Variants in GAS2 observed in about 807,000 individuals in gnomAD.
The protein encoded by GAS2 is growth arrest-specific protein 2.
GAS2 carries 20 observed loss-of-function variants against 37.5 expected under a neutral mutation model. That is an observed-to-expected ratio of 0.53 (90% CI 0.37 to 0.77). The LOEUF (loss-of-function observed/expected upper bound fraction) is 0.77. Among genes scored for constraint, GAS2 ranks in the 30% least tolerant of loss-of-function variants. GAS2 has a pLI of 0.00. For synonymous variants in GAS2, 144 were observed against 132.2 expected (o/e 1.09, Z -0.61); for missense variants, 336 against 373.4 (o/e 0.90, Z 0.82).
intron 7 of GAS2, among the ~76,000 whole-genome samples, chr11:22,760,488 A>G (rs1336339978): frequency 6.6e-6 from 1 of 152,202 alleles, no homozygotes; most frequent in Non-Finnish European, 1.5e-5. Flanking sequence ...AACAATATAT[A>G]GGAAGGGATT....
At chr11:22,810,155 A>G (rs1857082542) in intron 7 of GAS2, among the ~76,000 whole-genome samples, 1 of 152,200 alleles carries the variant, frequency 6.6e-6, no homozygotes, top group African/African-American at 2.4e-5. Context: ...TCTCAAATCC[A>G]TCTACCTAAT....
chr11:22,776,841 A>G (rs1855285666), intron 7 of GAS2, among the ~76,000 whole-genome samples: 1 of 152,128 alleles, frequency 6.6e-6, no homozygotes, highest in Admixed American at 6.5e-5. Context: ...AGAAAATGTA[A>G]CATTGGTTAG....
At chr11:22,773,503 C>T (rs566780038) in intron 7 of GAS2, among the ~76,000 whole-genome samples, 13 of 150,998 alleles carry the variant, frequency 8.6e-5, no homozygotes, top group African/African-American at 3.2e-4. Flanking sequence ...ACGCCATTCT[C>T]CTGCCTCAGC....
At position 22,800,972 on chromosome 11, in the gene GAS2, T is replaced by A. The variant is rs1856636991; in HGVS notation, c.724-10826T>A. Among the ~76,000 whole-genome samples, 4 of 152,064 alleles carry A rather than the reference T, an allele frequency of 2.6e-5. No individual in the cohort carries two copies. In the South Asian group the frequency reaches 8.3e-4, roughly 31 times the overall value. On this transcript the variant is annotated intron_variant, in intron 7 of 7. Transcript: ENST00000454584. ...TGCATATTTTTTTCTGGCTCTCCTA[T>A]GTGGCCATTACTTTTTCATTTAGTA... is the stretch of plus-strand genomic sequence containing the variant.
chr11:22,710,404 A>G (rs1044594583), intron 3 of GAS2, among the ~76,000 whole-genome samples: 1 of 152,070 alleles, frequency 6.6e-6, no homozygotes, highest in Non-Finnish European at 1.5e-5. Context: ...GCTGCCAACA[A>G]TGATAAATTA....
At position 22,809,253 on chromosome 11, in the gene GAS2, C is replaced by T. The variant is rs139966670; in HGVS notation, c.724-2545C>T. On this transcript the variant is annotated intron_variant, in intron 7 of 7. Transcript: ENST00000454584. Reference sequence around the variant, plus strand: ...GCAACCAAGAAGAACAAATCAGTCTCGAATTCATTTCACCAATCAATTAAA... The same window carrying T: ...GCAACCAAGAAGAACAAATCAGTCTTGAATTCATTTCACCAATCAATTAAA... Among the ~76,000 whole-genome samples the T allele has an allele frequency of 4.9e-3, 743 of 152,138 alleles. 19 individuals carry two copies. The East Asian group carries it at 0.071, about 15-fold the overall frequency.
At chr11:22,708,050 G>T (rs537135510) in intron 3 of GAS2, among the ~76,000 whole-genome samples, 1 of 151,594 alleles carries the variant, frequency 6.6e-6, no homozygotes, top group Non-Finnish European at 1.5e-5. Flanking sequence ...TAATTGAAGA[G>T]ATATTCATTG....
At chr11:22,633,877 C>A (rs1448819030) in intron 1 of GAS2, among the ~76,000 whole-genome samples, 2 of 152,140 alleles carry the variant, frequency 1.3e-5, no homozygotes, top group Admixed American at 6.5e-5. Context: ...TAAGTCTGCA[C>A]CTGGAGGGCA....
At chr11:22,642,164 C>G (rs1848638445) in intron 1 of GAS2, among the ~76,000 whole-genome samples, 1 of 152,080 alleles carries the variant, frequency 6.6e-6, no homozygotes, top group Admixed American at 6.6e-5. Flanking sequence ...TTACCACTAG[C>G]TGGAACAACT....
chr11:22,810,293 G>A (rs1183429729), intron 7 of GAS2, among the ~76,000 whole-genome samples: 1 of 152,184 alleles, frequency 6.6e-6, no homozygotes, highest in Non-Finnish European at 1.5e-5. Flanking sequence ...CAACAGATGA[G>A]GGGTCTCATG....
intron 7 of GAS2, among the ~76,000 whole-genome samples, chr11:22,784,154 G>T (rs892756809): frequency 6.6e-6 from 1 of 152,060 alleles, no homozygotes; most frequent in African/African-American, 2.4e-5. Flanking sequence ...ATGAATTTCA[G>T]CTTTTTCTAT....
intron 3 of GAS2, among the ~76,000 whole-genome samples, chr11:22,707,646 G>C (rs1851192147): frequency 1.3e-5 from 2 of 152,174 alleles, no homozygotes; most frequent in Admixed American, 6.6e-5. Context: ...AAAATGTACA[G>C]AGAAATTGGT....
chr11:22,812,031 G>T lies in GAS2; in HGVS notation c.*15G>T. 1.3e-6 allele frequency: 2 copies of T among 1,590,954 alleles called. No individual in the cohort carries two copies. The highest frequency in any genetic ancestry group is 1.1e-5 in the South Asian group (1 of 90,542). ...AAATTAAGTGAAACAAATTGGTCAT[G>T]ACAAGGGGACCCTCATAATGGCCTG... On this transcript the variant is annotated 3_prime_UTR_variant, in exon 8 of 8. Transcript: ENST00000454584.
chr11:22,645,592 A>T (rs1848679272), intron 1 of GAS2, among the ~76,000 whole-genome samples: 1 of 152,044 alleles, frequency 6.6e-6, no homozygotes, highest in African/African-American at 2.4e-5. Context: ...GGAAATATTG[A>T]GAAAATTTTC....
At chr11:22,677,915 G>A (rs1347782682) in intron 2 of GAS2, among the ~76,000 whole-genome samples, 1 of 152,140 alleles carries the variant, frequency 6.6e-6, no homozygotes, top group Non-Finnish European at 1.5e-5. Context: ...CCAGTTTGGG[G>A]TAGTTGAGAC....
At chr11:22,701,531 A>G (rs903631252) in intron 3 of GAS2, among the ~76,000 whole-genome samples, 1 of 152,140 alleles carries the variant, frequency 6.6e-6, no homozygotes, top group South Asian at 2.1e-4. Context: ...GCTTAAAAAA[A>G]AAATAGTTCG....
At chr11:22,688,265 T>G (rs1288394857) in intron 3 of GAS2, 1 of 152,166 alleles carries the variant, frequency 6.6e-6, no homozygotes, top group Non-Finnish European at 1.5e-5. Context: ...AAAATCTCTT[T>G]TTGATAAAAT....
At chr11:22,653,970 G>C (rs1848827437) in intron 1 of GAS2, among the ~76,000 whole-genome samples, 1 of 152,134 alleles carries the variant, frequency 6.6e-6, no homozygotes, top group East Asian at 1.9e-4. Flanking sequence ...AAGTCACATG[G>C]AGAAGGCTCA....
chr11:22,810,414 T>G (rs1857098098), intron 7 of GAS2, among the ~76,000 whole-genome samples: 1 of 152,070 alleles, frequency 6.6e-6, no homozygotes, highest in Non-Finnish European at 1.5e-5. Flanking sequence ...ACTGTAATTT[T>G]CCCAAATTTT....
Sources: allele counts gnomAD v4.1 joint callset (sites outside exome capture counted in the v4.1 genomes callset), GRCh38; gene constraint gnomAD v4.1.1; transcripts MANE v1.5; gene names NCBI Gene and HGNC (gene_info 2026-07-23, HGNC 2026-07-21).